Variants in PLXNA2 observed in about 807,000 individuals in gnomAD.
PLXNA2 encodes plexin A2.
In PLXNA2, 91 loss-of-function variants were observed where a neutral mutation model predicts 193.5. The observed-to-expected ratio is 0.47, with a 90% CI of 0.40 to 0.56. The LOEUF is 0.56. PLXNA2 is among the 20% of genes least tolerant of loss of function. PLXNA2 has a pLI of 0.00. For synonymous variants in PLXNA2, 997 were observed against 1,027.3 expected (o/e 0.97, Z 0.56); for missense variants, 1,995 against 2,503.2 (o/e 0.80, Z 4.33).
At chr1:208,196,693 C>T (rs1558239168) in intron 3 of PLXNA2, among the ~76,000 whole-genome samples, 1 of 152,130 alleles carries the variant, frequency 6.6e-6, no homozygotes, top group Non-Finnish European at 1.5e-5. Context: ...GCAAGAAGCT[C>T]CTGTTCACCC....
At chr1:208,243,109 A>T (rs1672113876) in intron 1 of PLXNA2, among the ~76,000 whole-genome samples, 1 of 152,126 alleles carries the variant, frequency 6.6e-6, no homozygotes, top group Admixed American at 6.5e-5. Flanking sequence ...GAACCCGCGC[A>T]AATGATGTTT....
At chr1:208,104,692 C>A (rs1251172370) in intron 4 of PLXNA2, among the ~76,000 whole-genome samples, 1 of 152,028 alleles carries the variant, frequency 6.6e-6, no homozygotes, top group Non-Finnish European at 1.5e-5. Context: ...GAGAGATGAG[C>A]CTGCCTTTCC....
chr1:208,142,645 G>A (rs772187615), intron 3 of PLXNA2, among the ~76,000 whole-genome samples, 182 bp from the exon 4 acceptor site: 1 of 152,216 alleles, frequency 6.6e-6, no homozygotes, highest in Non-Finnish European at 1.5e-5. Context: ...CCTTTCCCAA[G>A]CAGTCTGAGT....
chr1:208,210,090 C>G, intron 3 of PLXNA2, 190 bp downstream of exon 3: 1 of 527,814 alleles, frequency 1.9e-6, no homozygotes, highest in Non-Finnish European at 3.5e-6. Context: ...TACCCAATGA[C>G]TGATGGCTGG....
In PLXNA2 at chr1:208,082,428, G is replaced by T. The variant is rs1272743052; in HGVS notation, c.2379C>A (p.Asn793Lys). ...GCCGCTTACCTTTCAGGTCCTGAGG[G>T]TTGTCAATGATGAAATTGCCGTTCC... is the stretch of plus-strand genomic sequence containing the variant. ...VVWNGNFIID[N>K]PQDLKVHLYK... The change falls in exon 11 of 32, where the codon AAC becomes AAA. Residue 793 changes from asparagine to lysine, a missense_variant. By Grantham distance (94) the Asn-to-Lys change is moderately conservative. Transcript: ENST00000367033. This position sits in a 1 kb window ranked among gnomAD's most constrained non-coding sequence, Gnocchi z 4.2. 1 of 1,614,010 alleles carries T rather than the reference G, an allele frequency of 6.2e-7. No individual in the cohort carries two copies. Among genetic ancestry groups the T allele is most frequent in the Non-Finnish European group, 8.5e-7 (1 of 1,179,892 alleles).
At chr1:208,178,642 A>C (rs572099511) in intron 3 of PLXNA2, among the ~76,000 whole-genome samples, 69 of 152,340 alleles carry the variant, frequency 4.5e-4, no homozygotes, top group African/African-American at 1.6e-3. Context: ...TTGGGAACCC[A>C]ATTTGGAAGG....
intron 3 of PLXNA2, chr1:208,209,917 G>T (rs573822586): frequency 1.3e-5 from 3 of 231,990 alleles, no homozygotes; most frequent in Non-Finnish European, 2.5e-5. Flanking sequence ...AGGGATTTGC[G>T]ATTTTGGAGA....
chr1:208,058,521 C>T (rs1309796659), intron 13 of PLXNA2, among the ~76,000 whole-genome samples: 1 of 152,154 alleles, frequency 6.6e-6, no homozygotes, highest in Admixed American at 6.5e-5. Flanking sequence ...TGCTCACTGC[C>T]CGGGATGGAG....
At chr1:208,233,460 T>G (rs1475404803) in intron 1 of PLXNA2, among the ~76,000 whole-genome samples, 1 of 152,246 alleles carries the variant, frequency 6.6e-6, no homozygotes, top group Admixed American at 6.5e-5. Flanking sequence ...CCCCAGGGAC[T>G]GCACAGTTGG....
At chr1:208,091,582 G>T (rs751734840) in intron 9 of PLXNA2, among the ~76,000 whole-genome samples, 1 of 152,162 alleles carries the variant, frequency 6.6e-6, no homozygotes, top group Non-Finnish European at 1.5e-5. Flanking sequence ...GTATAGAAAG[G>T]CTATAGTAGG....
At chr1:208,167,946 C>A (rs1284839486) in intron 3 of PLXNA2, among the ~76,000 whole-genome samples, 1 of 152,152 alleles carries the variant, frequency 6.6e-6, no homozygotes, top group Non-Finnish European at 1.5e-5. Flanking sequence ...GGCTTGGGGT[C>A]CCAGAGTTAT....
In PLXNA2 at chr1:208,082,524, C is replaced by A. The variant is rs773736057; in HGVS notation, c.2299-16G>T. Reference sequence around the variant, plus strand: ...CATACTGGTACTATAGGGAGACGGGCAGAGGCATGGGGCTCATGTGGCTCT... The same window carrying A: ...CATACTGGTACTATAGGGAGACGGGAAGAGGCATGGGGCTCATGTGGCTCT... On this transcript the variant is annotated splice_polypyrimidine_tract_variant and intron_variant, in intron 10 of 31. Coordinates refer to ENST00000367033, the MANE Select transcript of PLXNA2 (RefSeq NM_025179.4). The surrounding 1 kb of genome is among the most constrained non-coding windows in gnomAD (Gnocchi z 4.2). 6.2e-7 allele frequency: 1 copy of A among 1,601,130 alleles called. No homozygotes were observed. The highest frequency in any genetic ancestry group is 1.3e-5 in the African/African-American group (1 of 74,636).
Position 208,040,064 on chromosome 1 carries a change from G to T in PLXNA2, c.4287-6C>A. Reference sequence around the variant, plus strand: ...TTTCAGCCACAGACTCTGTCCTGGGGAAGGGACAAAGGGTAAGGGGCAGTC... The same window carrying T: ...TTTCAGCCACAGACTCTGTCCTGGGTAAGGGACAAAGGGTAAGGGGCAGTC... On this transcript the variant is annotated splice_region_variant and splice_polypyrimidine_tract_variant and intron_variant, in intron 22 of 31. Coordinates refer to ENST00000367033, the MANE Select transcript of PLXNA2 (RefSeq NM_025179.4). 1 of 1,613,538 alleles carries T rather than the reference G, an allele frequency of 6.2e-7. No homozygotes were observed. Among genetic ancestry groups the T allele is most frequent in the South Asian group, 1.1e-5 (1 of 91,064 alleles).
intron 3 of PLXNA2, among the ~76,000 whole-genome samples, chr1:208,173,067 A>T (rs917596956): frequency 3.9e-5 from 6 of 152,202 alleles, no homozygotes; most frequent in African/African-American, 1.4e-4. Context: ...GTATTGCTAG[A>T]TTGGACTCCT....
intron 4 of PLXNA2, among the ~76,000 whole-genome samples, chr1:208,113,451 T>C (rs969592113): frequency 1.3e-5 from 2 of 151,926 alleles, no homozygotes; most frequent in Non-Finnish European, 2.9e-5. Flanking sequence ...CTCAGGGCCC[T>C]GCCCTTTTGA....
chr1:208,178,907 G>T (rs1211748934), intron 3 of PLXNA2, among the ~76,000 whole-genome samples: 1 of 152,228 alleles, frequency 6.6e-6, no homozygotes, highest in Non-Finnish European at 1.5e-5. Flanking sequence ...AGGTGATTCG[G>T]ATGCAAGCTT....
Position 208,027,150 on chromosome 1 carries a change from G to A in PLXNA2, c.*93C>T, listed in dbSNP as rs539617010. 16 of 1,151,970 alleles carry A rather than the reference G, an allele frequency of 1.4e-5. No individual in the cohort carries two copies. In the African/African-American group the frequency reaches 2.1e-4, roughly 15 times the overall value. 71.4% of individuals were successfully genotyped at this position (1,151,970 alleles called of 1,614,324 possible). On this transcript the variant is annotated 3_prime_UTR_variant, in exon 32 of 32. Transcript: ENST00000367033. ...GGGTCTCAGGGGACAGCAAGCTCTG[G>A]GGCCTGATCCCCATCACTTGTCCTT...
At chr1:208,133,442 A>G (rs1187447409) in intron 4 of PLXNA2, among the ~76,000 whole-genome samples, 1 of 152,238 alleles carries the variant, frequency 6.6e-6, no homozygotes, top group Non-Finnish European at 1.5e-5. Flanking sequence ...TCAAGAAGGT[A>G]CTTATCTTCC....
chr1:208,205,280 C>T (rs756098), intron 3 of PLXNA2, among the ~76,000 whole-genome samples: 132,159 of 152,168 alleles, frequency 0.87, 58,973 homozygotes, highest in Non-Finnish European at 0.98. Flanking sequence ...TTGGTGTTTG[C>T]ACTTAATCTC....
Sources: gnomAD v4.1 joint callset for allele counts (sites outside exome capture counted in the v4.1 genomes callset) on GRCh38, gnomAD v4.1.1 for gene constraint, Gnocchi (gnomAD v3.1) non-coding constraint, MANE v1.5 for transcripts, NCBI Gene and HGNC (gene_info 2026-07-23, HGNC 2026-07-21) for gene names.